Variants in INF2 observed in about 807,000 individuals in gnomAD.
The protein encoded by INF2 is inverted formin 2.
Under a neutral mutation model 123.5 loss-of-function variants are expected in INF2, and 43 were observed. The observed-to-expected ratio is 0.35, with a 90% confidence interval of 0.27 to 0.45. The LOEUF is 0.45. Among genes scored for constraint, INF2 ranks in the 20% least tolerant of loss-of-function variants. The pLI, the probability that INF2 is intolerant of heterozygous loss-of-function variation, is 1.00. For synonymous variants in INF2, 851 were observed against 745.0 expected (o/e 1.14, Z -2.32); for missense variants, 1,453 against 1,682.7 (o/e 0.86, Z 2.39).
chr14:104,718,567 C>T (rs933657171), intron 22 of INF2, among the ~76,000 whole-genome samples: 32 of 152,124 alleles, frequency 2.1e-4, no homozygotes, highest in African/African-American at 7.7e-4. Context: ...CAGGCTGCCA[C>T]GCCTTGCCAA....
At chr14:104,703,658 C>A (rs1036984865) in intron 4 of INF2, among the ~76,000 whole-genome samples, 4 of 152,220 alleles carry the variant, frequency 2.6e-5, no homozygotes, top group African/African-American at 7.2e-5. Flanking sequence ...AACCCTGGAC[C>A]GTTCTCATTT....
chr14:104,719,693 C>CG lies in INF2; in HGVS notation c.*901dup, dbSNP rs1325023858. On this transcript the variant is annotated 3_prime_UTR_variant, in exon 23 of 23. Transcript: ENST00000392634. ...AACATGGTGAGCGCTGGACAGGCCCCGTGTGAACACTCACTGTTGAGGGGC... is the reference window on the plus strand; with the variant it reads ...AACATGGTGAGCGCTGGACAGGCCCCGGTGTGAACACTCACTGTTGAGGGGC... The CG allele has an allele frequency of 6.3e-5, 9 of 142,618 alleles. No homozygotes were observed. The highest frequency in any genetic ancestry group is 2.8e-4 in the African/African-American group (9 of 32,550). 8.8% of individuals were successfully genotyped at this position (142,618 alleles called of 1,614,324 possible).
At chr14:104,710,697 G>A in intron 13 of INF2, 1 of 576,990 alleles carries the variant, frequency 1.7e-6, no homozygotes, top group Non-Finnish European at 3.1e-6. Context: ...GCAGGGAGAG[G>A]GACAGGTACG....
rs1404467783 is a variant in INF2 at position 104,713,282 on chromosome 14, C to A, written c.2851C>A (p.Arg951=). ...KQQLAEEEAR[R]PRGEDGKPVR... is the part of the protein sequence containing the mutation. ...GCAGCTGGCGGAGGAGGAGGCGCGG[C>A]GGCCTCGGGGAGAGGACGGGAAGCC... The change falls in exon 19 of 23, where the codon CGG becomes AGG. Residue 951 remains arginine (R), a synonymous_variant. Transcript: ENST00000392634. The A allele has an allele frequency of 1.2e-5, 19 of 1,550,218 alleles. No homozygotes were observed. The highest frequency in any genetic ancestry group is 1.7e-5 in the Non-Finnish European group (19 of 1,147,530).
chr14:104,703,565 C>A, intron 4 of INF2, 111 bp downstream of exon 4: 1 of 1,428,202 alleles, frequency 7.0e-7, no homozygotes, highest in Non-Finnish European at 9.7e-7. Context: ...GCCCCCGACC[C>A]AGGGCCCCAG....
intron 22 of INF2, among the ~76,000 whole-genome samples, chr14:104,717,882 C>T (rs1890387362): frequency 6.6e-6 from 1 of 152,194 alleles, no homozygotes; most frequent in Non-Finnish European, 1.5e-5. Flanking sequence ...GTTCCCCCCT[C>T]CCCTCCCTTT....
At chr14:104,715,171 G>A (rs1890237675) in intron 21 of INF2, 113 bp from the exon 22 acceptor site, 3 of 1,042,916 alleles carry the variant, frequency 2.9e-6, no homozygotes, top group Non-Finnish European at 4.5e-6. Flanking sequence ...GAACCGGGCA[G>A]CCCTCAGAGG....
At chr14:104,681,203 G>C (rs1888519218) in exon 1 of INF2, 1 of 327,942 alleles carries the variant, frequency 3.0e-6, no homozygotes, top group South Asian at 2.5e-5. Context: ...GGGCGGGCGA[G>C]GAGTAAGGAC....
intron 1 of INF2, among the ~76,000 whole-genome samples, chr14:104,698,257 T>C (rs1485695050): frequency 6.6e-6 from 1 of 152,230 alleles, no homozygotes; most frequent in Non-Finnish European, 1.5e-5. Flanking sequence ...TTCCAGCGTA[T>C]TGTTCCCCAT....
chr14:104,694,740 C>A (rs1047025770), intron 1 of INF2, among the ~76,000 whole-genome samples: 1 of 152,206 alleles, frequency 6.6e-6, no homozygotes, highest in Admixed American at 6.5e-5. Flanking sequence ...GCCTCTCCCC[C>A]ACTCTCAATC....
intron 1 of INF2, among the ~76,000 whole-genome samples, chr14:104,694,988 G>T: frequency 6.6e-6 from 1 of 152,174 alleles, no homozygotes; most frequent in East Asian, 1.9e-4. Context: ...GGTTGAGAGA[G>T]GCTTTTTCTG....
chr14:104,683,068 C>T (rs1888566280), intron 1 of INF2, among the ~76,000 whole-genome samples: 1 of 108,726 alleles, frequency 9.2e-6, no homozygotes, highest in African/African-American at 4.5e-5. Context: ...GCTGGGATTA[C>T]AGGCGTGAGC....
intron 1 of INF2, among the ~76,000 whole-genome samples, chr14:104,683,112 G>A (rs1263185198): frequency 1.4e-5 from 2 of 144,344 alleles, no homozygotes; most frequent in African/African-American, 5.0e-5. Context: ...TGTTAATGTT[G>A]AAAACCCAAG....
At position 104,703,221 on chromosome 14, in the gene INF2, GTGGGCGGCAGGGCC is replaced by G; in HGVS notation, c.507+7_507+20del. ...CCTGGACGCCCTGGACCACTACAAG[GTGGGCGGCAGGGCC>G]TGGGCCTGGGCACATGGGGCTCCCT... On this transcript the variant is annotated splice_donor_variant and splice_donor_5th_base_variant and intron_variant, in intron 3 of 22. Coordinates refer to ENST00000392634, the MANE Select transcript of INF2 (RefSeq NM_022489.4). LOFTEE classifies it high-confidence loss of function. The G allele has an allele frequency of 6.2e-7, 1 of 1,613,242 alleles. No homozygotes were observed. Among genetic ancestry groups the G allele is most frequent in the Admixed American group, 1.7e-5 (1 of 60,024 alleles).
At chr14:104,692,394 C>T (rs900789194) in intron 1 of INF2, among the ~76,000 whole-genome samples, 5 of 152,212 alleles carry the variant, frequency 3.3e-5, no homozygotes, top group South Asian at 2.1e-4. Flanking sequence ...CCGCTCAGCA[C>T]GGTGCCAGGC....
intron 10 of INF2, 36 bp downstream of exon 10, chr14:104,708,768 GAGCCTC>G (rs776886004): frequency 1.2e-6 from 2 of 1,605,558 alleles, no homozygotes; most frequent in South Asian, 2.2e-5. Flanking sequence ...CCAGGCCACG[GAGCCTC>G]GCCTCCACCT....
At chr14:104,716,742 G>A (rs1163200645) in intron 22 of INF2, among the ~76,000 whole-genome samples, 1 of 152,168 alleles carries the variant, frequency 6.6e-6, no homozygotes, top group Non-Finnish European at 1.5e-5. Flanking sequence ...CCAGGCTGGA[G>A]TGCAGTGGTG....
chr14:104,708,325 G>A (rs1889881942), intron 8 of INF2, 111 bp from the exon 9 acceptor site: 1 of 1,376,334 alleles, frequency 7.3e-7, no homozygotes, highest in East Asian at 2.3e-5. Context: ...GGACCTACTG[G>A]GCCCCAGGCA....
chr14:104,714,592 G>A lies in INF2; in HGVS notation c.3430G>A (p.Glu1144Lys), dbSNP rs769598010. The A allele has an allele frequency of 8.7e-6, 14 of 1,612,518 alleles. No individual in the cohort carries two copies. The highest frequency in any genetic ancestry group is 2.2e-5 in the East Asian group (1 of 44,884). ...PTSLLGVLQA[E>K]ADSTSEGLED... The stretch of plus-strand genomic sequence containing the variant: ...GTCCTTGCTGGGCGTCCTCCAGGCC[G>A]AGGCCGACAGCACAAGTGAGGGGCT... Residue 1144 changes from glutamate to lysine, a missense_variant, in exon 21 of 23, where the codon GAG becomes AAG. By Grantham distance (56) the Glu-to-Lys change is moderately conservative. This residue lies in a region of INF2 where 344 missense variants were observed against 333.1 expected (regional missense o/e 1.03). Transcript: ENST00000392634.
Sources: gnomAD v4.1 joint callset for allele counts (sites outside exome capture counted in the v4.1 genomes callset) on GRCh38, gnomAD v4.1.1 for gene constraint, gnomAD v4.1.1 regional missense constraint, MANE v1.5 for transcripts, NCBI Gene and HGNC (gene_info 2026-07-23, HGNC 2026-07-21) for gene names.